The following NALF1 variants were observed in gnomAD, a reference collection of about 807,000 sequenced individuals.
The protein encoded by NALF1 is NALCN channel auxiliary factor 1.
Under a neutral mutation model 48.4 loss-of-function variants are expected in NALF1, and 3 were observed. That is an observed-to-expected ratio of 0.06 (90% CI 0.03 to 0.16). NALF1 has a LOEUF of 0.16. Ranked by LOEUF, NALF1 falls within the 10% of genes least tolerant of loss-of-function variation. NALF1 has a pLI of 1.00. For synonymous variants in NALF1, 262 were observed against 245.7 expected, an observed-to-expected ratio of 1.07 and a Z score of -0.62; for missense variants, 526 against 571.5, an observed-to-expected ratio of 0.92 and a Z score of 0.81.
chr13:107,358,491 T>TC (rs1420085316), intron 1 of NALF1, among the ~76,000 whole-genome samples: 7 of 152,318 alleles, frequency 4.6e-5, no homozygotes, highest in Non-Finnish European at 1.0e-4. Flanking sequence ...TAGTCATGTC[T>TC]ACCATATTAT....
intron 1 of NALF1, among the ~76,000 whole-genome samples, chr13:107,615,791 T>G (rs1439117194): frequency 6.6e-6 from 1 of 152,214 alleles, no homozygotes; most frequent in Non-Finnish European, 1.5e-5. Context: ...CTCCTAAGAG[T>G]GATAAATATT....
At chr13:107,537,458 C>G (rs1412119242) in intron 1 of NALF1, among the ~76,000 whole-genome samples, 2 of 152,102 alleles carry the variant, frequency 1.3e-5, no homozygotes, top group Admixed American at 1.3e-4. Flanking sequence ...TTGTTGAACA[C>G]TTGATTTCTA....
In NALF1 at chr13:107,797,835, C is replaced by T. The variant is rs553707857; in HGVS notation, c.915+67847G>A. Among the ~76,000 whole-genome samples, 102 of 151,582 alleles carry T rather than the reference C, an allele frequency of 6.7e-4. 1 individual carries two copies. The highest frequency in any genetic ancestry group is 2.3e-3 in the African/African-American group (96 of 41,366). On this transcript the variant is annotated intron_variant, in intron 1 of 2. Transcript: ENST00000375915. ...AAGAATCAATCTTATATTTGAATAA[C>T]AAATGTGAACCATACTTTTTGTTAT...
intron 1 of NALF1, among the ~76,000 whole-genome samples, chr13:107,772,204 C>G (rs991502368): frequency 6.6e-6 from 1 of 152,080 alleles, no homozygotes; most frequent in East Asian, 1.9e-4. Flanking sequence ...ACTCTGTCTA[C>G]GGAGTAGCTA....
In NALF1 at chr13:107,309,279, T is replaced by G. The variant is rs562480955; in HGVS notation, c.916-98524A>C. ...ACAGAAGAGGTTAGAAACAAAAGACTTGGACAAAGTGTTCTTCAGTATGAT... is the reference window on the plus strand; with the variant it reads ...ACAGAAGAGGTTAGAAACAAAAGACGTGGACAAAGTGTTCTTCAGTATGAT... On this transcript the variant is annotated intron_variant, in intron 1 of 2. Coordinates refer to ENST00000375915, the MANE Select transcript of NALF1 (RefSeq NM_001080396.3). Among the ~76,000 whole-genome samples, 16 of 152,340 alleles carry G rather than the reference T, an allele frequency of 1.1e-4. No homozygotes were observed. The South Asian group carries it at 2.9e-3, about 28-fold the overall frequency.
chr13:107,639,477 A>T (rs1260207717), intron 1 of NALF1, among the ~76,000 whole-genome samples: 1 of 152,142 alleles, frequency 6.6e-6, no homozygotes, highest in Non-Finnish European at 1.5e-5. Flanking sequence ...CTTACACTTT[A>T]AAAAAGTCAG....
chr13:107,272,201 T>TAAAAAGGGAAA (rs1248890499), intron 1 of NALF1, among the ~76,000 whole-genome samples: 1 of 27,624 alleles, frequency 3.6e-5, no homozygotes, highest in African/African-American at 8.8e-5. Flanking sequence ...TAGAATTTTT[T>TAAAAAGGGAAA]TTTTTTTTTT....
intron 1 of NALF1, among the ~76,000 whole-genome samples, chr13:107,641,796 G>C (rs1386560482): frequency 6.6e-6 from 1 of 152,150 alleles, no homozygotes; most frequent in East Asian, 1.9e-4. Context: ...GAGCAAGCGA[G>C]ATCAAGAATC....
intron 1 of NALF1, among the ~76,000 whole-genome samples, chr13:107,301,794 C>A (rs1881841810): frequency 6.6e-6 from 1 of 151,930 alleles, no homozygotes; most frequent in African/African-American, 2.4e-5. Flanking sequence ...AATAAGCAAA[C>A]AAACAAAAAC....
intron 1 of NALF1, among the ~76,000 whole-genome samples, chr13:107,513,531 G>A (rs950617248): frequency 6.6e-6 from 1 of 151,730 alleles, no homozygotes; most frequent in Non-Finnish European, 1.5e-5. Flanking sequence ...GCTAACTAAG[G>A]TTTATTACTA....
At chr13:107,802,312 G>A (rs754544372) in intron 1 of NALF1, among the ~76,000 whole-genome samples, 5 of 152,052 alleles carry the variant, frequency 3.3e-5, no homozygotes, top group African/African-American at 7.2e-5. Context: ...TAGAAATGAC[G>A]AAATTACTCC....
chr13:107,494,802 GA>G (rs1875271538), intron 1 of NALF1, among the ~76,000 whole-genome samples: 1 of 152,172 alleles, frequency 6.6e-6, no homozygotes, highest in Non-Finnish European at 1.5e-5. Flanking sequence ...TTTAATGACA[GA>G]TAGAAGAACA....
intron 1 of NALF1, among the ~76,000 whole-genome samples, chr13:107,824,757 GA>G (rs1360947764): frequency 6.6e-6 from 1 of 152,212 alleles, no homozygotes; most frequent in African/African-American, 2.4e-5. Flanking sequence ...GCTTGTTTTT[GA>G]TGAGAATCCT....
At chr13:107,223,264 A>G (rs960527598) in intron 1 of NALF1, among the ~76,000 whole-genome samples, 3 of 152,142 alleles carry the variant, frequency 2.0e-5, no homozygotes, top group African/African-American at 7.2e-5. Flanking sequence ...TTAAATATAT[A>G]TGTATACATA....
At chr13:107,498,432 A>G (rs1047724166) in intron 1 of NALF1, among the ~76,000 whole-genome samples, 1 of 152,176 alleles carries the variant, frequency 6.6e-6, no homozygotes, top group Non-Finnish European at 1.5e-5. Context: ...GTCATTGTTA[A>G]AAAATGGCTT....
At chr13:107,267,248 G>C (rs985935540) in intron 1 of NALF1, among the ~76,000 whole-genome samples, 1 of 152,156 alleles carries the variant, frequency 6.6e-6, no homozygotes, top group Non-Finnish European at 1.5e-5. Flanking sequence ...AGTAGTTAAT[G>C]TAAAGCTTAC....
At chr13:107,186,370 T>C (rs1927770) in intron 2 of NALF1, among the ~76,000 whole-genome samples, 6,634 of 152,124 alleles carry the variant, frequency 0.044, 170 homozygotes, top group Non-Finnish European at 0.058. Flanking sequence ...TTTCTATTTA[T>C]TTATTTATTT....
At chr13:107,759,399 G>A (rs771822785) in intron 1 of NALF1, among the ~76,000 whole-genome samples, 6 of 152,044 alleles carry the variant, frequency 3.9e-5, no homozygotes, top group African/African-American at 9.7e-5. Context: ...TAGTAGAGGC[G>A]GGGTTTCACC....
At chr13:107,438,657 C>CA (rs1215434491) in intron 1 of NALF1, among the ~76,000 whole-genome samples, 6 of 150,778 alleles carry the variant, frequency 4.0e-5, no homozygotes, top group African/African-American at 9.7e-5. Context: ...AATAACAAAA[C>CA]AAAAAAACCC....
Sources: allele counts gnomAD v4.1 joint callset (sites outside exome capture counted in the v4.1 genomes callset), GRCh38; gene constraint gnomAD v4.1.1; transcripts MANE v1.5; gene names NCBI Gene and HGNC (gene_info 2026-07-23, HGNC 2026-07-21).